MTERF4: variants seen among roughly 807,000 people sequenced by gnomAD.
MTERF4 encodes mitochondrial transcription termination factor 4.
MTERF4 carries 17 observed loss-of-function variants against 22.5 expected under a neutral mutation model. The observed-to-expected ratio is 0.75, with a 90% CI of 0.52 to 1.13. MTERF4 has a LOEUF of 1.13. MTERF4 is among the 50% of genes most tolerant of loss of function. The probability of loss-of-function intolerance (pLI) is 0.00; values close to 1 mark genes in which losing one functional copy is unlikely to be tolerated. For synonymous variants in MTERF4, 165 were observed against 175.3 expected (o/e 0.94, Z 0.47); for missense variants, 420 against 466.8 (o/e 0.90, Z 0.92).
At chr2:241,102,167 T>G (rs1241324137) in intron 1 of MTERF4, 86 bp downstream of exon 1, 111 of 1,539,474 alleles carry the variant, frequency 7.2e-5, no homozygotes, top group Non-Finnish European at 9.0e-5. Flanking sequence ...GACCTGGCCG[T>G]GAAACACTCG....
At chr2:241,090,292 A>G, downstream of MTERF4, 2 of 1,548,422 alleles carry the variant, frequency 1.3e-6, no homozygotes, top group Non-Finnish European at 1.7e-6. Flanking sequence ...GGGCAGGATC[A>G]TCCATGTCAC....
intron 4 of MTERF4, among the ~76,000 whole-genome samples, chr2:241,078,397 AAG>A (rs1553591604): frequency 7.4e-5 from 11 of 148,178 alleles, no homozygotes; most frequent in African/African-American, 2.6e-4. Flanking sequence ...AAAAAAAAAA[AAG>A]AAAGAAAGAA....
chr2:241,049,881 C>T, the MTERF4 span: 2 of 1,613,884 alleles, frequency 1.2e-6, no homozygotes, highest in East Asian at 4.5e-5. Flanking sequence ...CCCATGACGA[C>T]TCCTACACCT....
the MTERF4 span, chr2:241,065,354 T>C: frequency 1.1e-5 from 17 of 1,612,950 alleles, no homozygotes; most frequent in Non-Finnish European, 1.4e-5. Context: ...GTGGGGTCTC[T>C]ATCTCCTGGA....
downstream of MTERF4, chr2:241,095,442 CTT>C (rs2064351121): frequency 6.5e-6 from 1 of 153,274 alleles, no homozygotes; most frequent in African/African-American, 2.4e-5. Context: ...GAATTAACTT[CTT>C]TTACTCTGCT....
chr2:241,069,889 C>T (rs1336320264), downstream of MTERF4: 8 of 1,601,632 alleles, frequency 5.0e-6, no homozygotes, highest in Admixed American at 1.7e-5. The surrounding 1 kb of genome is among the most constrained non-coding windows in gnomAD (Gnocchi z 4.9). Context: ...GTGGGCACCC[C>T]CTCACCTCTC....
At chr2:241,065,025 G>C in the MTERF4 span, 4 of 1,221,694 alleles carry the variant, frequency 3.3e-6, no homozygotes, top group Non-Finnish European at 4.5e-6. Context: ...GGGCCCAACG[G>C]TCTCCAAGGG....
chr2:241,073,456 G>C lies in MTERF4; in HGVS notation n.2706C>G. 1 of 1,027,780 alleles carries C rather than the reference G, an allele frequency of 9.7e-7. No individual in the cohort carries two copies. Among genetic ancestry groups the C allele is most frequent in the Non-Finnish European group, 1.5e-6 (1 of 670,408 alleles). 63.7% of individuals were successfully genotyped at this position (1,027,780 alleles called of 1,614,324 possible). A position where few individuals can be genotyped will look rare whatever the true frequency, so the allele number is the denominator to read the frequency against. On this transcript the variant is annotated non_coding_transcript_exon_variant, in exon 5 of 5. Coordinates refer to the MTERF4 transcript ENST00000464344. The surrounding 1 kb of genome is among the most constrained non-coding windows in gnomAD (Gnocchi z 6.6). ...AGGCAGGAGGGACCACCCACGGTGA[G>C]GAATCAGGAGGCACAGAGCCTACCT...
downstream of MTERF4, chr2:241,070,287 C>A: frequency 7.3e-7 from 1 of 1,370,434 alleles, no homozygotes; most frequent in Non-Finnish European, 9.8e-7. Flanking sequence ...CCTGCAGGGG[C>A]CTGGGATGCC....
chr2:241,099,462 A>T lies in MTERF4; in HGVS notation c.454T>A (p.Leu152Met). ...CTCATTTGCATAATAGGCAGTTTCA[A>T]TAACTGGGGACTTTTCTTCAAGACC... Reference protein sequence around the residue: ...CVVLKKSPQLLKLPIMQMRKR... With the variant: ...CVVLKKSPQLMKLPIMQMRKR... Residue 152 changes from leucine (L) to methionine (M), a missense_variant, in exon 2 of 4, where the codon TTG (leucine) becomes ATG (methionine). Transcript: ENST00000391980. The T allele has an allele frequency of 6.2e-7, 1 of 1,614,206 alleles. No individual in the cohort carries two copies. The highest frequency in any genetic ancestry group is 8.5e-7 in the Non-Finnish European group (1 of 1,180,052).
At chr2:241,062,876 A>G in the MTERF4 span, 13 of 1,608,074 alleles carry the variant, frequency 8.1e-6, no homozygotes, top group African/African-American at 1.1e-4. Context: ...TCTGCAGCAC[A>G]GGCTATGAGG....
At chr2:241,053,090 A>G in the MTERF4 span, 2 of 1,505,684 alleles carry the variant, frequency 1.3e-6, no homozygotes, top group Non-Finnish European at 9.0e-7. Context: ...GGGCAGAGGC[A>G]GGGCGGTGGG....
the MTERF4 span, among the ~76,000 whole-genome samples, chr2:241,058,896 G>A: frequency 5.9e-3 from 893 of 152,098 alleles, 9 homozygotes; most frequent in African/African-American, 0.02. Context: ...CTTGCAGTGA[G>A]CCAAGATCGC....
downstream of MTERF4, chr2:241,088,286 C>T: frequency 1.0e-6 from 1 of 989,810 alleles, no homozygotes; most frequent in Non-Finnish European, 1.6e-6. Flanking sequence ...TCTCAGCAGG[C>T]AGCCTGGACT....
the MTERF4 span, among the ~76,000 whole-genome samples, chr2:241,045,691 G>A: frequency 6.9e-6 from 1 of 144,770 alleles, no homozygotes; most frequent in Non-Finnish European, 1.5e-5. Context: ...TAAACTATAA[G>A]ATTTTTAGAA....
At chr2:241,049,726 T>A in the MTERF4 span, 2 of 903,752 alleles carry the variant, frequency 2.2e-6, no homozygotes, top group Non-Finnish European at 3.6e-6. Context: ...GATGTCAGGG[T>A]AACCCTGGCA....
chr2:241,091,883 C>G (rs1468410013), downstream of MTERF4: 1 of 152,368 alleles, frequency 6.6e-6, no homozygotes, highest in Non-Finnish European at 1.5e-5. This position sits in a 1 kb window ranked among gnomAD's most constrained non-coding sequence, Gnocchi z 4.1. Context: ...TTTAAGCAGC[C>G]TGTGCCCTCA....
chr2:241,050,600 G>C, the MTERF4 span, among the ~76,000 whole-genome samples: 4 of 152,204 alleles, frequency 2.6e-5, no homozygotes, highest in Non-Finnish European at 5.9e-5. Flanking sequence ...GAAAGACCCT[G>C]AAGTCTGAGC....
chr2:241,048,346 G>T, the MTERF4 span: 3 of 1,610,382 alleles, frequency 1.9e-6, no homozygotes, highest in Non-Finnish European at 2.5e-6. Context: ...CCTGCCTCTC[G>T]GCCCCTTGCC....
Sources: gnomAD v4.1 joint callset for allele counts (sites outside exome capture counted in the v4.1 genomes callset) on GRCh38, gnomAD v4.1.1 for gene constraint, Gnocchi (gnomAD v3.1) non-coding constraint, MANE v1.5 for transcripts, NCBI Gene and HGNC (gene_info 2026-07-23, HGNC 2026-07-21) for gene names.